Variants in LGR4 observed in about 807,000 individuals in gnomAD.
LGR4 encodes the protein leucine rich repeat containing G protein-coupled receptor 4.
A neutral mutation model predicts 84.8 loss-of-function variants in LGR4; 44 were observed. The observed-to-expected ratio is 0.52, with a 90% confidence interval of 0.41 to 0.67. The LOEUF is 0.67. Among genes scored for constraint, LGR4 ranks in the 30% least tolerant of loss-of-function variants. The pLI, the probability that LGR4 is intolerant of heterozygous loss-of-function variation, is 0.00. For synonymous variants in LGR4, 429 were observed against 434.3 expected (o/e 0.99, Z 0.15); for missense variants, 1,032 against 1,131.4 (o/e 0.91, Z 1.26).
chr11:27,412,836 A>G lies in LGR4; in HGVS notation c.210T>C (p.Thr70=). The change falls in exon 2 of 18, where the codon ACT becomes ACC. Residue 70 remains threonine (T), a synonymous_variant. Transcript: ENST00000379214. ...TCTTAAATGCATCTTCTGGCAACTG[A>G]GTAATGTTGTTCATACTGATATCCC... The part of the protein sequence containing the change: ...QALDISMNNI[T]QLPEDAFKNF... 6.2e-7 allele frequency: 1 copy of G among 1,603,142 alleles called. No individual in the cohort carries two copies. Among genetic ancestry groups the G allele is most frequent in the Non-Finnish European group, 8.5e-7 (1 of 1,170,576 alleles).
intron 1 of LGR4, among the ~76,000 whole-genome samples, chr11:27,468,930 T>A (rs890408030): frequency 7.9e-5 from 12 of 152,170 alleles, no homozygotes; most frequent in African/African-American, 2.7e-4. Context: ...AGGACTCACA[T>A]ACACATTCCC....
At chr11:27,443,568 A>G (rs1864337589) in intron 1 of LGR4, among the ~76,000 whole-genome samples, 1 of 152,196 alleles carries the variant, frequency 6.6e-6, no homozygotes, top group Non-Finnish European at 1.5e-5. Context: ...TCTTTACATA[A>G]CTTTAAGGCT....
intron 1 of LGR4, among the ~76,000 whole-genome samples, chr11:27,436,775 CAT>C (rs1268081238): frequency 6.6e-6 from 1 of 152,136 alleles, no homozygotes; most frequent in African/African-American, 2.4e-5. Context: ...ATCGTTTGTT[CAT>C]ATGTTATTAC....
chr11:27,431,186 C>T (rs940660917), intron 1 of LGR4, among the ~76,000 whole-genome samples: 1 of 152,090 alleles, frequency 6.6e-6, no homozygotes, highest in Non-Finnish European at 1.5e-5. Context: ...AACCACTGAG[C>T]GAGGGGTTCT....
chr11:27,462,833 T>A (rs1413777171), intron 1 of LGR4, among the ~76,000 whole-genome samples: 1 of 151,730 alleles, frequency 6.6e-6, no homozygotes, highest in African/African-American at 2.4e-5. Context: ...AATGCCCTCC[T>A]GAACTCGGAT....
At chr11:27,470,084 C>T (rs923822694) in intron 1 of LGR4, among the ~76,000 whole-genome samples, 1 of 152,148 alleles carries the variant, frequency 6.6e-6, no homozygotes, top group Non-Finnish European at 1.5e-5. Context: ...ATCACTCTAC[C>T]TACAGGTCAC....
chr11:27,434,209 GACGA>G (rs1864167025), intron 1 of LGR4, among the ~76,000 whole-genome samples: 2 of 152,216 alleles, frequency 1.3e-5, no homozygotes, highest in Admixed American at 6.5e-5. Context: ...TCTGGAACCT[GACGA>G]GGCAGCCACT....
chr11:27,472,131 A>G lies in LGR4; in HGVS notation c.172T>C (p.Phe58Leu), dbSNP rs1422551835. Residue 58 changes from phenylalanine (F) to leucine (L), a missense_variant, in exon 1 of 18, where the codon TTC becomes CTC. Transcript: ENST00000379214. ...GCCCGCACTCACAGCGCTTGGGTGA[A>G]GGCGCTGAGCCCCTCGGGCACGGCC... ...LTAVPEGLSAFTQALDISMNN... is the reference protein window; with the variant it reads ...LTAVPEGLSALTQALDISMNN... The G allele has an allele frequency of 4.1e-6, 5 of 1,227,902 alleles. No homozygotes were observed. The highest frequency in any genetic ancestry group is 5.1e-6 in the Non-Finnish European group (5 of 973,262). The allele number at this position is 1,227,902 out of a possible 1,614,324, so 76.1% of individuals were successfully genotyped here.
At chr11:27,423,059 C>T (rs1863952050) in intron 1 of LGR4, among the ~76,000 whole-genome samples, 1 of 151,956 alleles carries the variant, frequency 6.6e-6, no homozygotes, top group Admixed American at 6.6e-5. Context: ...AAAACCATCC[C>T]TAGATAACAT....
chr11:27,387,846 C>T (rs540905133), intron 4 of LGR4, among the ~76,000 whole-genome samples: 61 of 152,218 alleles, frequency 4.0e-4, no homozygotes, highest in African/African-American at 1.3e-3. Flanking sequence ...ACCTACAATG[C>T]CTCCACTGAT....
intron 1 of LGR4, among the ~76,000 whole-genome samples, chr11:27,450,744 C>T (rs934566653): frequency 3.9e-5 from 6 of 152,136 alleles, no homozygotes; most frequent in African/African-American, 9.6e-5. Context: ...GCTGAGATCG[C>T]GCCATTGCAC....
intron 2 of LGR4, among the ~76,000 whole-genome samples, chr11:27,397,226 G>A (rs1290106014): frequency 2.0e-5 from 3 of 152,130 alleles, no homozygotes; most frequent in Admixed American, 2.0e-4. Context: ...ACAAACTGAA[G>A]CCTTGTTCAA....
intron 1 of LGR4, among the ~76,000 whole-genome samples, chr11:27,431,450 A>C (rs1222556280): frequency 2.6e-5 from 4 of 152,160 alleles, no homozygotes; most frequent in African/African-American, 4.8e-5. Flanking sequence ...CAATTTTCTA[A>C]CCCCTAGCCC....
intron 11 of LGR4, among the ~76,000 whole-genome samples, chr11:27,377,592 A>G (rs1863009292): frequency 6.6e-6 from 1 of 152,006 alleles, no homozygotes; most frequent in Non-Finnish European, 1.5e-5. Context: ...TTAAATTTGT[A>G]TTTATACGGT....
In LGR4 at chr11:27,368,538, A is replaced by T; in HGVS notation, c.2185T>A (p.Tyr729Asn). 6.2e-7 allele frequency: 1 copy of T among 1,614,074 alleles called. No homozygotes were observed. Among genetic ancestry groups the T allele is most frequent in the Non-Finnish European group, 8.5e-7 (1 of 1,179,924 alleles). ...AGGTCCTCTTTTTCCAAGTTGCAGT[A>T]TAGTTTAGTGTAGATAACGGCCATT... ...LLMAVIYTKLYCNLEKEDLSE... is the reference protein window; with the variant it reads ...LLMAVIYTKLNCNLEKEDLSE... Residue 729 changes from tyrosine (Y) to asparagine (N), a missense_variant, in exon 18 of 18, where the codon TAC becomes AAC. Transcript: ENST00000379214.
At chr11:27,468,883 C>T (rs561975692) in intron 1 of LGR4, among the ~76,000 whole-genome samples, 1 of 152,140 alleles carries the variant, frequency 6.6e-6, no homozygotes, top group Non-Finnish European at 1.5e-5. Flanking sequence ...TCGAGGTCTA[C>T]GTTTCTCAAA....
chr11:27,405,087 A>G (rs1863578914), intron 2 of LGR4, among the ~76,000 whole-genome samples: 1 of 152,184 alleles, frequency 6.6e-6, no homozygotes. Context: ...AAAACCACCT[A>G]TTAGCAGTCC....
At chr11:27,426,635 G>C (rs905954524) in intron 1 of LGR4, among the ~76,000 whole-genome samples, 2 of 152,172 alleles carry the variant, frequency 1.3e-5, no homozygotes, top group Non-Finnish European at 2.9e-5. Context: ...ATAAAGATTA[G>C]ATGACATGAC....
chr11:27,435,009 C>T (rs1194150515), intron 1 of LGR4, among the ~76,000 whole-genome samples: 2 of 152,128 alleles, frequency 1.3e-5, no homozygotes, highest in African/African-American at 2.4e-5. Context: ...ACCCACAACA[C>T]TACACCAGAT....
Sources: allele counts gnomAD v4.1 joint callset (sites outside exome capture counted in the v4.1 genomes callset), GRCh38; gene constraint gnomAD v4.1.1; transcripts MANE v1.5; gene names NCBI Gene and HGNC (gene_info 2026-07-23, HGNC 2026-07-21).